Variants in ZNF567 observed in about 807,000 individuals in gnomAD.
The protein encoded by ZNF567 is zinc finger protein 567.
In ZNF567, 36 loss-of-function variants were observed where a neutral mutation model predicts 53.9. The observed-to-expected ratio is 0.67, with a 90% CI of 0.51 to 0.88. The LOEUF is 0.88. ZNF567 is among the 40% of genes least tolerant of loss of function. The probability of loss-of-function intolerance (pLI) is 0.00; values close to 1 mark genes in which losing one functional copy is unlikely to be tolerated. For synonymous variants in ZNF567, 224 were observed against 260.4 expected, an observed-to-expected ratio of 0.86 and a Z score of 1.35; for missense variants, 619 against 764.7, an observed-to-expected ratio of 0.81 and a Z score of 2.25.
At chr19:36,672,739 T>C in the ZNF567 span, among the ~76,000 whole-genome samples, 3 of 152,208 alleles carry the variant, frequency 2.0e-5, no homozygotes, top group Non-Finnish European at 4.4e-5. Flanking sequence ...ATACACACTT[T>C]AGATACAAAT....
Position 36,719,067 on chromosome 19 carries a change from GA to G in ZNF567, c.347del (p.Lys116ArgfsTer5), listed in dbSNP as rs2040195657. 1 of 1,613,280 alleles carries G rather than the reference GA, an allele frequency of 6.2e-7. No individual in the cohort carries two copies. Among genetic ancestry groups the G allele is most frequent in the Non-Finnish European group, 8.5e-7 (1 of 1,179,794 alleles). ...GGTGAAGGAGAAGAGTAAAATATATGAAAAGACATTTACTCTAGGCAAAAAC... is the reference window on the plus strand; with the variant it reads ...GGTGAAGGAGAAGAGTAAAATATATGAAAGACATTTACTCTAGGCAAAAAC... ...KLVKEKSKIY[E>X]KTFTLGKNPV... On this transcript the variant is annotated frameshift_variant, in exon 6 of 6. Transcript: ENST00000682579. LOFTEE classifies it high-confidence loss of function.
At chr19:36,685,954 C>G (rs984787685), upstream of ZNF567, 1 of 152,192 alleles carries the variant, frequency 6.6e-6, no homozygotes, top group African/African-American at 2.4e-5. Flanking sequence ...CTCACTGGAC[C>G]TCTCTCTCCA....
At chr19:36,684,019 T>A (rs1367908705), upstream of ZNF567, among the ~76,000 whole-genome samples, 1 of 152,102 alleles carries the variant, frequency 6.6e-6, no homozygotes, top group Non-Finnish European at 1.5e-5. Flanking sequence ...ATCCAAAATA[T>A]ACAATTCACA....
downstream of ZNF567, among the ~76,000 whole-genome samples, chr19:36,722,814 G>C (rs1251864377): frequency 6.6e-6 from 1 of 152,120 alleles, no homozygotes; most frequent in East Asian, 1.9e-4. Flanking sequence ...AGGGCAATGA[G>C]ACAAAAGCAT....
intron 5 of ZNF567, among the ~76,000 whole-genome samples, chr19:36,718,506 AAT>A (rs1347095468): frequency 9.9e-5 from 15 of 151,878 alleles, no homozygotes; most frequent in Middle Eastern, 3.4e-3. Flanking sequence ...CTCAAAAAAA[AAT>A]AATAATAATT....
In ZNF567 at chr19:36,706,650, T is replaced by A. The variant is rs1395457294; in HGVS notation, c.10-5736T>A. ...ACTATAGTATATGATATACCTGATT[T>A]CCATCCTTTTTACTGTTGGTTTTTT... On this transcript the variant is annotated intron_variant, in intron 3 of 5. Transcript: ENST00000682579. Among the ~76,000 whole-genome samples the A allele has an allele frequency of 3.4e-5, 5 of 149,162 alleles. No individual in the cohort carries two copies. The East Asian group carries it at 8.0e-4, about 24-fold the overall frequency.
At chr19:36,698,782 T>C (rs2039023767) in intron 3 of ZNF567, among the ~76,000 whole-genome samples, 1 of 152,196 alleles carries the variant, frequency 6.6e-6, no homozygotes, top group Admixed American at 6.5e-5. Context: ...GTTTTTTTCT[T>C]GTAAATTTGT....
intron 3 of ZNF567, 80 bp downstream of exon 3, chr19:36,694,956 T>G: frequency 1.3e-5 from 19 of 1,425,602 alleles, no homozygotes; most frequent in Non-Finnish European, 1.7e-5. Context: ...GTGTCGGTCT[T>G]GTCCTACATC....
chr19:36,709,014 G>T (rs1274749144), intron 3 of ZNF567, among the ~76,000 whole-genome samples: 7 of 152,062 alleles, frequency 4.6e-5, no homozygotes, highest in African/African-American at 1.4e-4. Context: ...CCACATTATA[G>T]TTTCATTTAT....
intron 3 of ZNF567, among the ~76,000 whole-genome samples, chr19:36,710,491 G>T (rs1021127524): frequency 1.3e-5 from 2 of 151,984 alleles, no homozygotes; most frequent in African/African-American, 2.4e-5. Context: ...GTTCTTCTGA[G>T]AATTATTATT....
the ZNF567 span, among the ~76,000 whole-genome samples, chr19:36,681,940 A>G: frequency 2.0e-5 from 3 of 152,132 alleles, no homozygotes; most frequent in Non-Finnish European, 4.4e-5. Context: ...ACAACCAGAT[A>G]TATGTAGAGA....
intron 3 of ZNF567, among the ~76,000 whole-genome samples, chr19:36,708,084 C>G (rs573613859): frequency 1.3e-5 from 2 of 151,284 alleles, no homozygotes; most frequent in African/African-American, 4.9e-5. Flanking sequence ...TTTGTAGAGA[C>G]AGGGTTTTGC....
intron 5 of ZNF567, among the ~76,000 whole-genome samples, chr19:36,718,302 A>T (rs1049431045): frequency 6.6e-6 from 1 of 152,138 alleles, no homozygotes; most frequent in Non-Finnish European, 1.5e-5. Flanking sequence ...GTTCGAGACC[A>T]ACCTGGCCAG....
At chr19:36,712,695 T>C in intron 4 of ZNF567, 86 bp from the exon 5 acceptor site, 1 of 1,408,884 alleles carries the variant, frequency 7.1e-7, no homozygotes, top group Non-Finnish European at 1.0e-6. Context: ...ATGGGTGTCT[T>C]AATTTGCAGT....
Position 36,720,791 on chromosome 19 carries a change from C to T in ZNF567, c.*123C>T. ...ACAAGTCTAATAATTATTAAAGTACCATACGGAATAACTGTCTACTGTTTA... is the reference window on the plus strand; with the variant it reads ...ACAAGTCTAATAATTATTAAAGTACTATACGGAATAACTGTCTACTGTTTA... On this transcript the variant is annotated 3_prime_UTR_variant, in exon 6 of 6. Coordinates refer to ENST00000682579, the MANE Select transcript of ZNF567 (RefSeq NM_001322917.1). 1 of 853,870 alleles carries T rather than the reference C, an allele frequency of 1.2e-6. No individual in the cohort carries two copies. The highest frequency in any genetic ancestry group is 1.7e-6 in the Non-Finnish European group (1 of 594,462). The allele number at this position is 853,870 out of a possible 1,614,324, so 52.9% of individuals were successfully genotyped here.
At chr19:36,689,611 A>C (rs182787793) in intron 2 of ZNF567, 114 bp downstream of exon 2, 1 of 152,086 alleles carries the variant, frequency 6.6e-6, no homozygotes, top group Non-Finnish European at 1.5e-5. Context: ...TCCTCTGGGC[A>C]TTCAGTGGCC....
Position 36,688,901 on chromosome 19 carries a change from G to T in ZNF567, c.-167-496G>T, listed in dbSNP as rs188514331. Among the ~76,000 whole-genome samples, 6 of 150,398 alleles carry T rather than the reference G, an allele frequency of 4.0e-5. No individual in the cohort carries two copies. In the East Asian group the frequency reaches 9.9e-4, roughly 25 times the overall value. ...GGGCGGACAGATCACCTGAGGTCAG[G>T]AGTTTGACCAGCATGGTGAAACCCC... On this transcript the variant is annotated intron_variant, in intron 1 of 5. Transcript: ENST00000682579.
At chr19:36,669,040 C>G in the ZNF567 span, 25 of 152,056 alleles carry the variant, frequency 1.6e-4, no homozygotes, top group African/African-American at 5.8e-4. Context: ...AATATAACAA[C>G]TATGTACATA....
At chr19:36,683,284 C>G (rs978290771), upstream of ZNF567, among the ~76,000 whole-genome samples, 1 of 151,960 alleles carries the variant, frequency 6.6e-6, no homozygotes, top group Non-Finnish European at 1.5e-5. Flanking sequence ...ATTGCCCAGG[C>G]TGGTCTCAAA....
Sources: allele counts gnomAD v4.1 joint callset (sites outside exome capture counted in the v4.1 genomes callset), GRCh38; gene constraint gnomAD v4.1.1; transcripts MANE v1.5; gene names NCBI Gene and HGNC (gene_info 2026-07-23, HGNC 2026-07-21).